The following BBS9 variants were observed in gnomAD, a reference collection of about 807,000 sequenced individuals.
BBS9 encodes the protein protein PTHB1.
A neutral mutation model predicts 117.7 loss-of-function variants in BBS9; 89 were observed. The observed-to-expected ratio is 0.76, with a 90% CI of 0.64 to 0.90. The LOEUF is 0.90. Among genes scored for constraint, BBS9 ranks in the 40% least tolerant of loss-of-function variants. The pLI is 0.00. For synonymous variants in BBS9, 379 were observed against 370.9 expected, an observed-to-expected ratio of 1.02 and a Z score of -0.25; for missense variants, 982 against 1,042.2, an observed-to-expected ratio of 0.94 and a Z score of 0.80.
chr7:33,534,336 G>A, intron 21 of BBS9, 160 bp downstream of exon 21: 1 of 743,790 alleles, frequency 1.3e-6, no homozygotes. Context: ...GTAACCCCTT[G>A]AATAAATATC....
At chr7:33,160,189 G>T (rs1000310565) in intron 4 of BBS9, among the ~76,000 whole-genome samples, 3 of 152,154 alleles carry the variant, frequency 2.0e-5, no homozygotes, top group Non-Finnish European at 4.4e-5. Flanking sequence ...TATCATGAGG[G>T]ATACATTTCT....
At chr7:33,464,690 A>G (rs1352350209) in intron 19 of BBS9, among the ~76,000 whole-genome samples, 4 of 151,874 alleles carry the variant, frequency 2.6e-5, no homozygotes, top group East Asian at 1.9e-4. Flanking sequence ...TTTATATTAT[A>G]TATTTAATTA....
chr7:33,305,652 A>G (rs139843235), intron 9 of BBS9, among the ~76,000 whole-genome samples: 1 of 152,284 alleles, frequency 6.6e-6, no homozygotes, highest in African/African-American at 2.4e-5. Flanking sequence ...GTATGCGTCT[A>G]GGAATTCATT....
intron 21 of BBS9, among the ~76,000 whole-genome samples, chr7:33,632,696 A>G (rs2129230626): frequency 6.6e-6 from 1 of 150,646 alleles, no homozygotes; most frequent in South Asian, 2.1e-4. Flanking sequence ...CCCTCCCGCC[A>G]GTCTCCGCAG....
intron 12 of BBS9, among the ~76,000 whole-genome samples, chr7:33,347,640 C>T (rs956748769): frequency 6.6e-6 from 1 of 151,800 alleles, no homozygotes; most frequent in African/African-American, 2.4e-5. Context: ...TTAAGTTGTG[C>T]AGAATACTCA....
intron 5 of BBS9, among the ~76,000 whole-genome samples, chr7:33,255,104 G>GTT (rs1424159388): frequency 1.3e-5 from 2 of 151,902 alleles, no homozygotes; most frequent in Non-Finnish European, 2.9e-5. Flanking sequence ...CCCATTATGT[G>GTT]TTTTTTTGTT....
intron 5 of BBS9, among the ~76,000 whole-genome samples, chr7:33,253,153 T>G (rs1796488946): frequency 6.6e-6 from 1 of 152,218 alleles, no homozygotes; most frequent in Non-Finnish European, 1.5e-5. Flanking sequence ...TGTCCCAATA[T>G]CTTTCCTATA....
In BBS9 at chr7:33,528,385, T is replaced by C. The variant is rs569521230; in HGVS notation, c.2299-5569T>C. Among the ~76,000 whole-genome samples the C allele has an allele frequency of 9.2e-4, 140 of 152,334 alleles. 1 individual carries two copies. Among genetic ancestry groups the C allele is most frequent in the African/African-American group, 3.2e-3 (131 of 41,582 alleles). ...TTTCTCTCTCTCTTAGGTTTAACTG[T>C]GTACACATTTGGTAATAAATGTTAC... On this transcript the variant is annotated intron_variant, in intron 20 of 22. Transcript: ENST00000242067.
chr7:33,457,717 T>C (rs1838847600), intron 19 of BBS9, among the ~76,000 whole-genome samples: 1 of 152,182 alleles, frequency 6.6e-6, no homozygotes, highest in Non-Finnish European at 1.5e-5. Context: ...TCTGGAAGCA[T>C]GATATATTTA....
At chr7:33,569,598 A>AT (rs1857449715) in intron 21 of BBS9, among the ~76,000 whole-genome samples, 1 of 151,552 alleles carries the variant, frequency 6.6e-6, no homozygotes. Context: ...TTAAAAAAAA[A>AT]AAAAATACAA....
chr7:33,223,349 G>A (rs764051843), intron 5 of BBS9, among the ~76,000 whole-genome samples: 8 of 151,944 alleles, frequency 5.3e-5, no homozygotes, highest in Non-Finnish European at 1.0e-4. Context: ...TCAAGTATAT[G>A]GTACACTACT....
chr7:33,422,162 G>C (rs966506508), intron 19 of BBS9, among the ~76,000 whole-genome samples: 3 of 152,076 alleles, frequency 2.0e-5, no homozygotes, highest in African/African-American at 7.2e-5. Context: ...AGCTGCTATA[G>C]CTTTTCGTAA....
At chr7:33,610,262 C>T (rs1393507392), downstream of BBS9, among the ~76,000 whole-genome samples, 2 of 151,936 alleles carry the variant, frequency 1.3e-5, no homozygotes, top group African/African-American at 2.4e-5. Context: ...ATGAGTGTGG[C>T]GGGTGGAAAG....
At chr7:33,536,681 T>TCCCCCCCCCCCCCCCCCCCCCCCCCCCCC (rs1563323298) in intron 21 of BBS9, among the ~76,000 whole-genome samples, 2 of 44,208 alleles carry the variant, frequency 4.5e-5, no homozygotes, top group African/African-American at 1.9e-4. Context: ...GATTCGGCCT[T>TCCCCCCCCCCCCCCCCCCCCCCCCCCCCC]CCCCCCGCCC....
intron 9 of BBS9, among the ~76,000 whole-genome samples, chr7:33,331,206 A>G (rs141354408): frequency 3.9e-5 from 6 of 152,386 alleles, no homozygotes; most frequent in African/African-American, 4.8e-5. Context: ...AAAGCATTTT[A>G]TAAAATCCAG....
chr7:33,159,154 TG>T (rs775548569), intron 4 of BBS9, among the ~76,000 whole-genome samples: 2 of 152,132 alleles, frequency 1.3e-5, no homozygotes, highest in African/African-American at 2.4e-5. Context: ...GCTTAAAAGA[TG>T]TAAGGAGGCA....
At chr7:33,578,401 A>G (rs181936964) in intron 21 of BBS9, among the ~76,000 whole-genome samples, 118 of 152,344 alleles carry the variant, frequency 7.7e-4, no homozygotes, top group African/African-American at 2.8e-3. Context: ...AGAAATCACA[A>G]TAGTTGTTCA....
intron 19 of BBS9, among the ~76,000 whole-genome samples, chr7:33,399,655 G>A (rs1028185177): frequency 2.0e-5 from 3 of 152,022 alleles, no homozygotes; most frequent in Non-Finnish European, 4.4e-5. Flanking sequence ...TCATCAATTC[G>A]GAATTTCAGA....
In BBS9 at chr7:33,173,896, A is replaced by T. The variant is rs745955883; in HGVS notation, c.329-3582A>T. ...TCAACCTAGCCAATGACTTTTCCCT[A>T]TCTAAGTGTGCAAGAAAAATGAAAC... On this transcript the variant is annotated intron_variant, in intron 4 of 22. Transcript: ENST00000242067. 1.3e-5 allele frequency among the ~76,000 whole-genome samples: 2 copies of T among 152,176 alleles called. 1 individual carries two copies.
Sources: allele counts gnomAD v4.1 joint callset (sites outside exome capture counted in the v4.1 genomes callset), GRCh38; gene constraint gnomAD v4.1.1; transcripts MANE v1.5; gene names NCBI Gene and HGNC (gene_info 2026-07-23, HGNC 2026-07-21).